DCUN1D3: variants seen among roughly 807,000 people sequenced by gnomAD.
DCUN1D3 encodes the protein DCN1-like protein 3.
DCUN1D3 carries 6 observed loss-of-function variants against 24.8 expected under a neutral mutation model. The observed-to-expected ratio is 0.24, with a 90% CI of 0.13 to 0.48. DCUN1D3 has a LOEUF of 0.48. Ranked by LOEUF, DCUN1D3 falls within the 20% of genes least tolerant of loss-of-function variation. DCUN1D3 has a pLI of 0.99. For missense variants in DCUN1D3, 258 were observed against 379.4 expected, an observed-to-expected ratio of 0.68 and a Z score of 2.66; for synonymous variants, 120 against 144.9, an observed-to-expected ratio of 0.83 and a Z score of 1.24.
chr16:20,869,100 C>T (rs4783372), intron 1 of DCUN1D3: 65,090 of 152,464 alleles, frequency 0.43, 16,447 homozygotes, highest in Non-Finnish European at 0.58. Context: ...AGGCCTGGAG[C>T]GGCCACTGCT....
intron 1 of DCUN1D3, among the ~76,000 whole-genome samples, chr16:20,885,591 C>T (rs1216210243): frequency 1.3e-5 from 2 of 151,580 alleles, no homozygotes; most frequent in East Asian, 1.9e-4. Context: ...GCAGCTTTTT[C>T]GGCTTCTATT....
rs146291700 is a variant in DCUN1D3, at chr16:20,863,909, G to A, written c.-105-1266C>T. Among the ~76,000 whole-genome samples, 124 of 152,296 alleles carry A rather than the reference G, an allele frequency of 8.1e-4. No individual in the cohort carries two copies. The East Asian group carries it at 0.012, about 15-fold the overall frequency. On this transcript the variant is annotated intron_variant, in intron 1 of 2. Coordinates refer to ENST00000324344, the MANE Select transcript of DCUN1D3 (RefSeq NM_173475.4). The stretch of plus-strand genomic sequence containing the variant: ...TTCAATAAATGGTGCTGGGATAACC[G>A]GCTAGCCATATGCAGAAGACTGAGG...
intron 1 of DCUN1D3, among the ~76,000 whole-genome samples, chr16:20,882,729 C>T (rs2081850579): frequency 6.6e-6 from 1 of 152,238 alleles, no homozygotes; most frequent in Non-Finnish European, 1.5e-5. Flanking sequence ...CTTCCTGAAA[C>T]ACGATGTGTC....
chr16:20,882,121 C>G (rs2081847121), intron 1 of DCUN1D3, among the ~76,000 whole-genome samples: 1 of 151,292 alleles, frequency 6.6e-6, no homozygotes, highest in Non-Finnish European at 1.5e-5. Flanking sequence ...CACACTGTTA[C>G]CACTGCTCAG....
intron 1 of DCUN1D3, among the ~76,000 whole-genome samples, chr16:20,874,213 C>G (rs2081803167): frequency 1.3e-5 from 2 of 152,188 alleles, no homozygotes; most frequent in Admixed American, 6.5e-5. Context: ...GACTAGGCCA[C>G]AATTTCTAGT....
intron 1 of DCUN1D3, among the ~76,000 whole-genome samples, chr16:20,869,464 T>G (rs4140669): frequency 0.94 from 142,700 of 152,244 alleles, 67,109 homozygotes; most frequent in East Asian, 1. Flanking sequence ...CTCAAGAAAA[T>G]AGTTGTTGCA....
At chr16:20,883,918 C>T (rs1017331480) in intron 1 of DCUN1D3, among the ~76,000 whole-genome samples, 1 of 152,162 alleles carries the variant, frequency 6.6e-6, no homozygotes, top group African/African-American at 2.4e-5. Flanking sequence ...TTCAATTAAA[C>T]ATTTTTATTT....
At chr16:20,869,574 A>C (rs1236070053) in intron 1 of DCUN1D3, among the ~76,000 whole-genome samples, 1 of 152,206 alleles carries the variant, frequency 6.6e-6, no homozygotes, top group African/African-American at 2.4e-5. Flanking sequence ...TTCAGAGAGA[A>C]GGCAGGTTTA....
At chr16:20,885,962 T>C (rs1287190909) in intron 1 of DCUN1D3, among the ~76,000 whole-genome samples, 1 of 151,104 alleles carries the variant, frequency 6.6e-6, no homozygotes, top group Admixed American at 6.6e-5. Flanking sequence ...ACTTCTAACA[T>C]GGGGAGTCCC....
intron 1 of DCUN1D3, among the ~76,000 whole-genome samples, chr16:20,890,916 T>TC (rs1230337819): frequency 6.6e-6 from 1 of 151,328 alleles, no homozygotes; most frequent in African/African-American, 2.4e-5. Context: ...GGTCAAAATT[T>TC]TTTTTTTTTT....
rs1243472835 is a variant in DCUN1D3 at position 20,896,997 on chromosome 16, C to CCGTG, written c.-106+3206_-106+3207insCACG. On this transcript the variant is annotated intron_variant, in intron 1 of 2. Coordinates refer to ENST00000324344, the MANE Select transcript of DCUN1D3 (RefSeq NM_173475.4). Reference sequence around the variant, plus strand: ...GTTTTCGATAATCCTTCTACAGGTGCCACGAGAATACTAGAACCTAAAACA... The same window carrying CCGTG: ...GTTTTCGATAATCCTTCTACAGGTGCCGTGCACGAGAATACTAGAACCTAAAACA... 2.0e-5 allele frequency among the ~76,000 whole-genome samples: 3 copies of CCGTG among 152,204 alleles called. No individual in the cohort carries two copies. The East Asian group carries it at 5.8e-4, about 29-fold the overall frequency.
In DCUN1D3 at chr16:20,855,584, A is replaced by C. The variant is rs1182347205; in HGVS notation, c.*4302T>G. Reference sequence around the variant, plus strand: ...GAAGCAGAACCCAATGGTTATGCAAAGCTATTTGAACTATTTTGGCTTCTG... The same window carrying C: ...GAAGCAGAACCCAATGGTTATGCAACGCTATTTGAACTATTTTGGCTTCTG... On this transcript the variant is annotated 3_prime_UTR_variant, in exon 3 of 3. Coordinates refer to ENST00000324344, the MANE Select transcript of DCUN1D3 (RefSeq NM_173475.4). The C allele has an allele frequency of 2.6e-5, 4 of 152,240 alleles. No individual in the cohort carries two copies. The highest frequency in any genetic ancestry group is 9.6e-5 in the African/African-American group (4 of 41,466). The allele number at this position is 152,240 out of a possible 1,614,324, so 9.4% of individuals were successfully genotyped here.
intron 1 of DCUN1D3, among the ~76,000 whole-genome samples, chr16:20,886,909 A>AT (rs1390704823): frequency 6.6e-6 from 1 of 152,214 alleles, no homozygotes; most frequent in Non-Finnish European, 1.5e-5. Flanking sequence ...TGGAAACTAA[A>AT]TTGGTTGCAA....
At chr16:20,882,225 CT>C (rs1446043737) in intron 1 of DCUN1D3, among the ~76,000 whole-genome samples, 1 of 151,814 alleles carries the variant, frequency 6.6e-6, no homozygotes, top group Non-Finnish European at 1.5e-5. Flanking sequence ...CTCTCTGCCC[CT>C]GAGCACCTTC....
rs1023192257 is a variant in DCUN1D3, at chr16:20,856,084, AC to A, written c.*3801del. 1.3e-5 allele frequency: 2 copies of A among 152,062 alleles called. No homozygotes were observed. The highest frequency in any genetic ancestry group is 4.8e-5 in the African/African-American group (2 of 41,402). The allele number at this position is 152,062 out of a possible 1,614,324, so 9.4% of individuals were successfully genotyped here. On this transcript the variant is annotated 3_prime_UTR_variant, in exon 3 of 3. Coordinates refer to ENST00000324344, the MANE Select transcript of DCUN1D3 (RefSeq NM_173475.4). ...TACGCCTTAACCTTATAATTGCATA[AC>A]TGAGTCTACACCTTTTGGGCTTTGC...
In DCUN1D3 at chr16:20,859,428, G is replaced by A. The variant is rs2081717458; in HGVS notation, c.*458C>T. 1 of 161,216 alleles carries A rather than the reference G, an allele frequency of 6.2e-6. No homozygotes were observed. Among genetic ancestry groups the A allele is most frequent in the Non-Finnish European group, 1.3e-5 (1 of 74,834 alleles). 10.0% of individuals were successfully genotyped at this position (161,216 alleles called of 1,614,324 possible). A position where few individuals can be genotyped will look rare whatever the true frequency, so the allele number is the denominator to read the frequency against. ...TGTAAACAGCACTACACACAGTACA[G>A]ACCTGCCCTGAAAAACAATATGCGA... is the stretch of plus-strand genomic sequence containing the variant. On this transcript the variant is annotated 3_prime_UTR_variant, in exon 3 of 3. Coordinates refer to ENST00000324344, the MANE Select transcript of DCUN1D3 (RefSeq NM_173475.4).
intron 1 of DCUN1D3, among the ~76,000 whole-genome samples, chr16:20,881,505 T>C (rs771300088): frequency 1.3e-5 from 2 of 152,202 alleles, no homozygotes; most frequent in Non-Finnish European, 2.9e-5. Flanking sequence ...AATTGTTGCT[T>C]ATAACCCACC....
intron 1 of DCUN1D3, among the ~76,000 whole-genome samples, chr16:20,866,009 A>C (rs541495297): frequency 6.6e-6 from 1 of 152,310 alleles, no homozygotes; most frequent in Admixed American, 6.5e-5. Flanking sequence ...AAATACACTG[A>C]AGCTCTTATA....
At chr16:20,898,161 C>A (rs1263644391) in intron 1 of DCUN1D3, among the ~76,000 whole-genome samples, 1 of 152,198 alleles carries the variant, frequency 6.6e-6, no homozygotes, top group Non-Finnish European at 1.5e-5. Flanking sequence ...ACCAGCTGTT[C>A]CCTGAACCTG....
Sources: allele counts gnomAD v4.1 joint callset (sites outside exome capture counted in the v4.1 genomes callset), GRCh38; gene constraint gnomAD v4.1.1; transcripts MANE v1.5; gene names NCBI Gene and HGNC (gene_info 2026-07-23, HGNC 2026-07-21).